The following TMEM163 variants were observed in gnomAD, a reference collection of about 807,000 sequenced individuals.
TMEM163 encodes transmembrane protein 163.
A neutral mutation model predicts 29.3 loss-of-function variants in TMEM163; 17 were observed. The observed-to-expected ratio is 0.58, with a 90% CI of 0.40 to 0.87. The LOEUF is 0.87. Ranked by LOEUF, TMEM163 falls within the 40% of genes least tolerant of loss-of-function variation. The pLI, the probability that TMEM163 is intolerant of heterozygous loss-of-function variation, is 0.00. For synonymous variants in TMEM163, 157 were observed against 160.6 expected (o/e 0.98, Z 0.17); for missense variants, 303 against 381.5 (o/e 0.79, Z 1.71).
intron 2 of TMEM163, among the ~76,000 whole-genome samples, chr2:134,611,566 G>A (rs1036527515): frequency 6.6e-6 from 1 of 152,120 alleles, no homozygotes; most frequent in South Asian, 2.1e-4. Context: ...TTCACTGGGA[G>A]GAGGGGTAGG....
chr2:134,494,924 G>A (rs1000818079), intron 5 of TMEM163, among the ~76,000 whole-genome samples: 28 of 152,134 alleles, frequency 1.8e-4, no homozygotes, highest in Admixed American at 1.8e-3. Flanking sequence ...CGGCAGACAC[G>A]CTGACTGCAT....
chr2:134,683,426 T>TAAA (rs544236321), intron 2 of TMEM163, among the ~76,000 whole-genome samples: 1 of 139,136 alleles, frequency 7.2e-6, no homozygotes, highest in South Asian at 2.3e-4. Flanking sequence ...GTCTTTAATT[T>TAAA]AAAAAAAAAA....
At chr2:134,516,640 T>C (rs1313158064) in intron 4 of TMEM163, among the ~76,000 whole-genome samples, 1 of 148,194 alleles carries the variant, frequency 6.7e-6, no homozygotes, top group Non-Finnish European at 1.5e-5. Flanking sequence ...TATATATTCA[T>C]ACTTATATTC....
At chr2:134,622,918 A>G (rs1214914452) in intron 2 of TMEM163, among the ~76,000 whole-genome samples, 1 of 152,066 alleles carries the variant, frequency 6.6e-6, no homozygotes, top group Non-Finnish European at 1.5e-5. Context: ...GTCCGCCACC[A>G]CACCCAGCTA....
intron 2 of TMEM163, among the ~76,000 whole-genome samples, chr2:134,628,750 C>T (rs1038816361): frequency 5.9e-5 from 9 of 152,198 alleles, no homozygotes; most frequent in South Asian, 2.1e-4. Context: ...TGCCATGTGC[C>T]GTCTCCCTTT....
rs148594269 is a variant in TMEM163, at chr2:134,690,735, C to T, written c.322+22465G>A. On this transcript the variant is annotated intron_variant, in intron 2 of 7. Coordinates refer to ENST00000281924, the MANE Select transcript of TMEM163 (RefSeq NM_030923.5). ...TCTGACACAATTAAGAACTTCATGA[C>T]TTTGGCTTTCTTTACACAGCTATTC... Among the ~76,000 whole-genome samples, 175 of 152,360 alleles carry T rather than the reference C, an allele frequency of 1.1e-3. 4 individuals are homozygous for T. In the East Asian group the frequency reaches 0.032, roughly 28 times the overall value.
intron 2 of TMEM163, among the ~76,000 whole-genome samples, chr2:134,572,357 T>A (rs1041525774): frequency 1.3e-5 from 2 of 152,214 alleles, no homozygotes; most frequent in African/African-American, 4.8e-5. Flanking sequence ...CATGGCAACA[T>A]TAATTACATC....
chr2:134,519,553 T>C (rs1277269275), intron 4 of TMEM163, among the ~76,000 whole-genome samples: 7 of 151,520 alleles, frequency 4.6e-5, no homozygotes, highest in Admixed American at 4.6e-4. Context: ...CTACCAAAAA[T>C]ACAAAAAAAT....
chr2:134,582,053 G>T (rs1267140642), intron 2 of TMEM163, among the ~76,000 whole-genome samples: 4 of 152,200 alleles, frequency 2.6e-5, no homozygotes, highest in Admixed American at 2.6e-4. Flanking sequence ...AGAACCATGA[G>T]AGAGCACAAG....
intron 2 of TMEM163, among the ~76,000 whole-genome samples, chr2:134,650,199 G>A (rs1010447408): frequency 1.3e-5 from 2 of 151,630 alleles, no homozygotes; most frequent in Admixed American, 6.6e-5. Context: ...AAAAACATCT[G>A]GAAGTACATA....
At chr2:134,684,659 C>T (rs535521617) in intron 2 of TMEM163, among the ~76,000 whole-genome samples, 1 of 152,220 alleles carries the variant, frequency 6.6e-6, no homozygotes, top group South Asian at 2.1e-4. Flanking sequence ...GGCGAGGTGG[C>T]TCATGCCTGT....
At chr2:134,661,810 T>A (rs1268627086) in intron 2 of TMEM163, among the ~76,000 whole-genome samples, 30 of 152,270 alleles carry the variant, frequency 2.0e-4, no homozygotes, top group Non-Finnish European at 5.9e-5. Flanking sequence ...TTCTGCATAT[T>A]TTCTGGAGAA....
At chr2:134,521,701 G>A (rs1680192187) in intron 4 of TMEM163, among the ~76,000 whole-genome samples, 1 of 152,200 alleles carries the variant, frequency 6.6e-6, no homozygotes, top group African/African-American at 2.4e-5. Flanking sequence ...AGGAGCAATG[G>A]TGAACTCACA....
intron 2 of TMEM163, among the ~76,000 whole-genome samples, chr2:134,672,745 C>T (rs1045363073): frequency 8.5e-5 from 13 of 152,238 alleles, no homozygotes; most frequent in African/African-American, 3.1e-4. Flanking sequence ...ATCTATATCC[C>T]CTTGGTCCAC....
intron 2 of TMEM163, among the ~76,000 whole-genome samples, chr2:134,631,640 G>T (rs889759805): frequency 3.0e-4 from 46 of 152,210 alleles, no homozygotes; most frequent in Non-Finnish European, 5.4e-4. Context: ...TGCCATGGGA[G>T]CTATTTCTGG....
intron 2 of TMEM163, among the ~76,000 whole-genome samples, chr2:134,603,428 C>G (rs1682278295): frequency 6.6e-6 from 1 of 152,158 alleles, no homozygotes; most frequent in Non-Finnish European, 1.5e-5. Context: ...CTGATAAAAT[C>G]CTGATGCCCT....
In TMEM163 at chr2:134,458,035, A is replaced by G; in HGVS notation, c.806T>C (p.Val269Ala). The change falls in exon 7 of 8, where the codon GTC becomes GCC. Residue 269 changes from valine to alanine, a missense_variant. Physicochemically the swap from Val to Ala is moderately conservative, Grantham distance 64. Coordinates refer to ENST00000281924, the MANE Select transcript of TMEM163 (RefSeq NM_030923.5). ...ACAGGAAAGCACAAGAACCTACTTG[A>G]CCCCATAGGCAAATATGGTGAGGCC... is the stretch of plus-strand genomic sequence containing the variant. ...LIGLTIFAYG[V>A]KLLIDMVPRV... 1 of 1,614,000 alleles carries G rather than the reference A, an allele frequency of 6.2e-7. No individual in the cohort carries two copies.
intron 2 of TMEM163, among the ~76,000 whole-genome samples, chr2:134,572,540 G>T (rs997682278): frequency 6.6e-6 from 1 of 152,182 alleles, no homozygotes; most frequent in African/African-American, 2.4e-5. Flanking sequence ...AGTCCTTAGA[G>T]ATGGTCTATC....
At chr2:134,484,688 G>A (rs962487681) in intron 5 of TMEM163, among the ~76,000 whole-genome samples, 2 of 152,176 alleles carry the variant, frequency 1.3e-5, no homozygotes, top group African/African-American at 2.4e-5. Flanking sequence ...GCTCAGCTAT[G>A]AATAACAATG....
Sources: gnomAD v4.1 joint callset for allele counts (sites outside exome capture counted in the v4.1 genomes callset) on GRCh38, gnomAD v4.1.1 for gene constraint, MANE v1.5 for transcripts, NCBI Gene and HGNC (gene_info 2026-07-23, HGNC 2026-07-21) for gene names.